STUM: variants seen among roughly 807,000 people sequenced by gnomAD.
STUM encodes protein stum homolog.
Under a neutral mutation model 15.3 loss-of-function variants are expected in STUM, and 8 were observed. That is an observed-to-expected ratio of 0.52 (90% confidence interval 0.31 to 0.94). The LOEUF is 0.94. Among genes scored for constraint, STUM ranks in the 40% least tolerant of loss-of-function variants. STUM has a pLI of 0.05. For synonymous variants in STUM, 78 were observed against 88.7 expected (o/e 0.88, Z 0.68); for missense variants, 142 against 204.9 (o/e 0.69, Z 1.87).
At chr1:226,557,590 T>G (rs1207109934) in intron 1 of STUM, among the ~76,000 whole-genome samples, 1 of 152,230 alleles carries the variant, frequency 6.6e-6, no homozygotes, top group Non-Finnish European at 1.5e-5. Context: ...ATTCGCATTC[T>G]CACCAACAGT....
chr1:226,593,115 G>A (rs1437027537), intron 1 of STUM, among the ~76,000 whole-genome samples: 1 of 151,552 alleles, frequency 6.6e-6, no homozygotes, highest in East Asian at 1.9e-4. Context: ...GAACCTGGGA[G>A]GTGGAGGTTG....
At chr1:226,563,132 C>A (rs1168334785) in intron 1 of STUM, among the ~76,000 whole-genome samples, 1 of 152,184 alleles carries the variant, frequency 6.6e-6, no homozygotes, top group Non-Finnish European at 1.5e-5. Flanking sequence ...ACTTTTCTGC[C>A]AGTTTGATAC....
chr1:226,555,680 T>C (rs577218761), intron 1 of STUM, among the ~76,000 whole-genome samples: 2 of 152,232 alleles, frequency 1.3e-5, no homozygotes, highest in East Asian at 3.9e-4. Flanking sequence ...TCCCTTAGAG[T>C]CTGTCCACAA....
intron 1 of STUM, among the ~76,000 whole-genome samples, chr1:226,573,281 C>T (rs1667748835): frequency 6.6e-6 from 1 of 152,234 alleles, no homozygotes; most frequent in African/African-American, 2.4e-5. Context: ...ACCTACTTCA[C>T]AGGCTTGTTG....
At position 226,600,954 on chromosome 1, in the gene STUM, A is replaced by C. The variant is rs1455664297; in HGVS notation, c.391+280A>C. 6.6e-6 allele frequency among the ~76,000 whole-genome samples: 1 copy of C among 152,150 alleles called. No homozygotes were observed. The highest frequency in any genetic ancestry group is 2.4e-5 in the African/African-American group (1 of 41,430). On this transcript the variant is annotated intron_variant, in intron 3 of 3. Coordinates refer to ENST00000366788, the MANE Select transcript of STUM (RefSeq NM_001003665.4). This position sits in a 1 kb window ranked among gnomAD's most constrained non-coding sequence, Gnocchi z 5.2. ...TTCGCCACATCTCCCCTACCCCAGCATGGGTTATTAGCACCCAAAATTGAG... is the reference window on the plus strand; with the variant it reads ...TTCGCCACATCTCCCCTACCCCAGCCTGGGTTATTAGCACCCAAAATTGAG...
In STUM at chr1:226,608,569, C is replaced by G. The variant is rs1668398807; in HGVS notation, c.*6529C>G. On this transcript the variant is annotated 3_prime_UTR_variant, in exon 4 of 4. Transcript: ENST00000366788. The surrounding 1 kb of genome is among the most constrained non-coding windows in gnomAD (Gnocchi z 4.0). ...ACCGTGATTGGCTTTGTTTGGGTCT[C>G]TCTTCTTTCTGTGAAATTAACTGCT... is the stretch of plus-strand genomic sequence containing the variant. The G allele has an allele frequency of 1.3e-5, 2 of 152,160 alleles. No individual in the cohort carries two copies. Among genetic ancestry groups the G allele is most frequent in the South Asian group, 4.1e-4 (2 of 4,832 alleles). 9.4% of individuals were successfully genotyped at this position (152,160 alleles called of 1,614,324 possible). A position where few individuals can be genotyped will look rare whatever the true frequency, so the allele number is the denominator to read the frequency against.
chr1:226,557,739 A>G (rs1337680981), intron 1 of STUM, among the ~76,000 whole-genome samples: 1 of 152,246 alleles, frequency 6.6e-6, no homozygotes, highest in African/African-American at 2.4e-5. Flanking sequence ...AAAAATCCTC[A>G]ACAAAATACT....
chr1:226,598,691 G>T (rs1353924247), intron 2 of STUM, among the ~76,000 whole-genome samples: 3 of 152,210 alleles, frequency 2.0e-5, no homozygotes, highest in Non-Finnish European at 4.4e-5. Flanking sequence ...GCTGTGGCTG[G>T]TGTGGGGCAC....
At chr1:226,574,766 G>A (rs1667778621) in intron 1 of STUM, among the ~76,000 whole-genome samples, 1 of 152,178 alleles carries the variant, frequency 6.6e-6, no homozygotes, top group Non-Finnish European at 1.5e-5. Flanking sequence ...GGGAGCCCGA[G>A]GTGGGGACGT....
rs539272415 is a variant in STUM, at chr1:226,608,561, T to G, written c.*6521T>G. The G allele has an allele frequency of 6.6e-6, 1 of 152,362 alleles. No individual in the cohort carries two copies. The highest frequency in any genetic ancestry group is 1.5e-5 in the Non-Finnish European group (1 of 68,050). The allele number at this position is 152,362 out of a possible 1,614,324, so 9.4% of individuals were successfully genotyped here. On this transcript the variant is annotated 3_prime_UTR_variant, in exon 4 of 4. Transcript: ENST00000366788. This position sits in a 1 kb window ranked among gnomAD's most constrained non-coding sequence, Gnocchi z 4.0. ...GTTTTGACACCGTGATTGGCTTTGT[T>G]TGGGTCTCTCTTCTTTCTGTGAAAT...
intron 1 of STUM, among the ~76,000 whole-genome samples, chr1:226,566,268 A>C (rs796410660): frequency 2.6e-4 from 40 of 152,370 alleles, no homozygotes; most frequent in African/African-American, 8.7e-4. Context: ...AAATTAGTGC[A>C]TCATCTACTT....
rs928162819 is a variant in STUM, at chr1:226,605,905, C to T, written c.*3865C>T. ...CATCCTAATGTGCAGGACCAAGTTGCCCGCTCTGCCAGCCAGGGGCTCCAG... is the reference window on the plus strand; with the variant it reads ...CATCCTAATGTGCAGGACCAAGTTGTCCGCTCTGCCAGCCAGGGGCTCCAG... On this transcript the variant is annotated 3_prime_UTR_variant, in exon 4 of 4. Coordinates refer to ENST00000366788, the MANE Select transcript of STUM (RefSeq NM_001003665.4). This position sits in a 1 kb window ranked among gnomAD's most constrained non-coding sequence, Gnocchi z 4.0. 6.6e-6 allele frequency: 1 copy of T among 152,250 alleles called. No individual in the cohort carries two copies. The highest frequency in any genetic ancestry group is 1.5e-5 in the Non-Finnish European group (1 of 68,068). 9.4% of individuals were successfully genotyped at this position (152,250 alleles called of 1,614,324 possible). A position where few individuals can be genotyped will look rare whatever the true frequency, so the allele number is the denominator to read the frequency against.
At chr1:226,596,578 G>A (rs1434697249) in intron 1 of STUM, among the ~76,000 whole-genome samples, 2 of 152,194 alleles carry the variant, frequency 1.3e-5, no homozygotes, top group African/African-American at 2.4e-5. Flanking sequence ...TGGCAGCCCC[G>A]TGCAATACCT....
At chr1:226,573,838 C>CTT (rs148074401) in intron 1 of STUM, among the ~76,000 whole-genome samples, 9 of 143,122 alleles carry the variant, frequency 6.3e-5, no homozygotes, top group Non-Finnish European at 9.2e-5. Context: ...GTACAATATA[C>CTT]TTTTTTTTTT....
chr1:226,602,229 A>G lies in STUM; in HGVS notation c.*189A>G. The G allele has an allele frequency of 5.1e-6, 3 of 588,778 alleles. No individual in the cohort carries two copies. Among genetic ancestry groups the G allele is most frequent in the Non-Finnish European group, 9.1e-6 (3 of 330,940 alleles). The allele number at this position is 588,778 out of a possible 1,614,324, so 36.5% of individuals were successfully genotyped here. A position where few individuals can be genotyped will look rare whatever the true frequency, so the allele number is the denominator to read the frequency against. ...TTCTCAGCAGGTTGTGAGGGCTGCCAGCCCCTCCTGCTCTGGAAAGCACTG... is the reference window on the plus strand; with the variant it reads ...TTCTCAGCAGGTTGTGAGGGCTGCCGGCCCCTCCTGCTCTGGAAAGCACTG... On this transcript the variant is annotated 3_prime_UTR_variant, in exon 4 of 4. Transcript: ENST00000366788.
chr1:226,559,382 C>T lies in STUM; in HGVS notation c.202+10276C>T, dbSNP rs149251309. Among the ~76,000 whole-genome samples, 782 of 152,328 alleles carry T rather than the reference C, an allele frequency of 5.1e-3. 6 individuals are homozygous for T. Among genetic ancestry groups the T allele is most frequent in the African/African-American group, 0.018 (757 of 41,556 alleles). On this transcript the variant is annotated intron_variant, in intron 1 of 3. Transcript: ENST00000366788. ...GAAGAAAGGAGGCCTCCTACCACGT[C>T]GAAGGCTCTGACCCACAATTTCACC... is the stretch of plus-strand genomic sequence containing the variant.
chr1:226,600,673 A>G lies in STUM; in HGVS notation c.390A>G (p.Gln130=). Residue 130 remains glutamine, a splice_region_variant and synonymous_variant, in exon 3 of 4, where the codon CAA becomes CAG. Transcript: ENST00000366788. The surrounding 1 kb of genome is among the most constrained non-coding windows in gnomAD (Gnocchi z 5.2). ...CACTCTGTGCTGCTGCAGTTTCCCA[A>G]GGTGAGTCTGCGGATGGACGTGCGG... ...GMDMVILAIS[Q]GYKEQGIPQQ... is the part of the protein sequence containing the mutation. The G allele has an allele frequency of 6.2e-7, 1 of 1,610,880 alleles. No homozygotes were observed. The highest frequency in any genetic ancestry group is 8.5e-7 in the Non-Finnish European group (1 of 1,179,974).
chr1:226,585,477 G>A (rs1667982835), intron 1 of STUM, among the ~76,000 whole-genome samples: 2 of 152,224 alleles, frequency 1.3e-5, no homozygotes, highest in South Asian at 4.1e-4. Context: ...CGTAGATGGG[G>A]AAATGAGAAG....
chr1:226,599,565 A>G (rs574219474), intron 2 of STUM, among the ~76,000 whole-genome samples: 2 of 152,352 alleles, frequency 1.3e-5, no homozygotes, highest in South Asian at 4.1e-4. Context: ...GTAACAGTAC[A>G]CTTTGGCTTT....
Sources: allele counts gnomAD v4.1 joint callset (sites outside exome capture counted in the v4.1 genomes callset), GRCh38; gene constraint gnomAD v4.1.1; non-coding constraint Gnocchi (gnomAD v3.1); transcripts MANE v1.5; gene names NCBI Gene and HGNC (gene_info 2026-07-23, HGNC 2026-07-21).